Variants in MARK1 observed in about 807,000 individuals in gnomAD.
MARK1 encodes the protein serine/threonine-protein kinase MARK1.
Under a neutral mutation model 96.3 loss-of-function variants are expected in MARK1, and 40 were observed. The ratio of observed to expected loss-of-function variants is 0.42; its 90% CI spans 0.32 to 0.54. The LOEUF is 0.54. MARK1 is among the 20% of genes least tolerant of loss of function. The pLI, the probability that MARK1 is intolerant of heterozygous loss-of-function variation, is 0.16. For missense variants in MARK1, 719 were observed against 984.6 expected (o/e 0.73, Z 3.61); for synonymous variants, 317 against 341.2 (o/e 0.93, Z 0.78).
chr1:220,620,051 C>T (rs1249242363), intron 9 of MARK1, among the ~76,000 whole-genome samples: 44 of 152,122 alleles, frequency 2.9e-4, no homozygotes, highest in Admixed American at 2.9e-3. Context: ...GTAGAGGATA[C>T]AGCATGTTTT....
intron 3 of MARK1, among the ~76,000 whole-genome samples, chr1:220,595,345 A>G (rs1403493983): frequency 1.3e-5 from 2 of 152,180 alleles, no homozygotes; most frequent in Non-Finnish European, 2.9e-5. Context: ...TTGACAAGCA[A>G]TCAGTAGCAC....
chr1:220,590,660 A>G (rs1218557915), intron 3 of MARK1, among the ~76,000 whole-genome samples: 1 of 152,158 alleles, frequency 6.6e-6, no homozygotes, highest in Non-Finnish European at 1.5e-5. Flanking sequence ...TTGTGAGGAG[A>G]GATGCTTGAT....
chr1:220,627,291 C>T (rs1667401744), intron 9 of MARK1: 1 of 502,040 alleles, frequency 2.0e-6, no homozygotes. Flanking sequence ...GAGAGGGTGG[C>T]CACAAGAACT....
At chr1:220,658,845 C>T (rs944753901) in intron 17 of MARK1, among the ~76,000 whole-genome samples, 1 of 152,114 alleles carries the variant, frequency 6.6e-6, no homozygotes, top group Admixed American at 6.6e-5. Flanking sequence ...GAGTTAGGTA[C>T]CTGAGTCACC....
chr1:220,607,082 G>T (rs918984496), intron 6 of MARK1, among the ~76,000 whole-genome samples: 4 of 152,080 alleles, frequency 2.6e-5, no homozygotes, highest in African/African-American at 9.7e-5. Flanking sequence ...GCTTGATGGG[G>T]ATGGCATTGA....
At chr1:220,599,033 A>C (rs1210300256) in intron 4 of MARK1, among the ~76,000 whole-genome samples, 1 of 152,128 alleles carries the variant, frequency 6.6e-6, no homozygotes, top group African/African-American at 2.4e-5. Context: ...ATAAAAAAAA[A>C]ATGGCTTTCA....
chr1:220,627,166 G>A lies in MARK1; in HGVS notation c.910-3869G>A, dbSNP rs978317473. 1.2e-5 allele frequency: 6 copies of A among 489,488 alleles called. No individual in the cohort carries two copies. The East Asian group carries it at 2.2e-4, about 18-fold the overall frequency. 30.3% of individuals were successfully genotyped at this position (489,488 alleles called of 1,614,324 possible). ...AAATGCAGGTGATTCCAGAGGATCT[G>A]TCCCTGAGGAGAGTGGCGATGAGAG... On this transcript the variant is annotated intron_variant, in intron 9 of 17. Coordinates refer to ENST00000366917, the MANE Select transcript of MARK1 (RefSeq NM_018650.5).
At chr1:220,554,203 C>T (rs1056071470) in intron 1 of MARK1, among the ~76,000 whole-genome samples, 1 of 152,112 alleles carries the variant, frequency 6.6e-6, no homozygotes, top group Non-Finnish European at 1.5e-5. Flanking sequence ...TGTCTTATCA[C>T]GGTGTCTAAA....
intron 17 of MARK1, among the ~76,000 whole-genome samples, chr1:220,661,552 T>C (rs1669484889): frequency 1.3e-5 from 2 of 152,238 alleles, no homozygotes; most frequent in Admixed American, 1.3e-4. Context: ...AGTTGCAGAC[T>C]TGTTTCCCTC....
intron 1 of MARK1, among the ~76,000 whole-genome samples, chr1:220,546,028 C>T (rs965267876): frequency 2.6e-5 from 4 of 152,166 alleles, no homozygotes; most frequent in African/African-American, 9.6e-5. Context: ...CTTCACCCCC[C>T]ATCTTTGATG....
rs67564055 is a variant in MARK1, at chr1:220,616,013, AT to A, written c.552+25del. On this transcript the variant is annotated intron_variant, in intron 7 of 17. Transcript: ENST00000366917. ...ATCTTAAGGTAAGCTTCTGAGTGTA[AT>A]TTTTTTAAAAAAAAAATCGTTATTA... 0.24 allele frequency: 236,249 copies of A among 1,005,184 alleles called. 21,974 individuals carry two copies. The highest frequency in any genetic ancestry group is 0.37 in the East Asian group (13,681 of 36,628). 62.3% of individuals were successfully genotyped at this position (1,005,184 alleles called of 1,614,324 possible). A position where few individuals can be genotyped will look rare whatever the true frequency, so the allele number is the denominator to read the frequency against.
intron 1 of MARK1, among the ~76,000 whole-genome samples, chr1:220,534,152 CTT>C (rs1660520215): frequency 6.6e-6 from 1 of 151,402 alleles, no homozygotes; most frequent in Non-Finnish European, 1.5e-5. Flanking sequence ...TTTTTCACGT[CTT>C]ATTTTTTATT....
intron 1 of MARK1, among the ~76,000 whole-genome samples, chr1:220,561,988 A>C (rs1443324383): frequency 6.6e-6 from 1 of 152,216 alleles, no homozygotes; most frequent in Non-Finnish European, 1.5e-5. Context: ...CTTTTAAGAG[A>C]GAACATTTGG....
intron 1 of MARK1, among the ~76,000 whole-genome samples, chr1:220,567,391 TA>T (rs1663131409): frequency 6.6e-6 from 1 of 152,112 alleles, no homozygotes; most frequent in South Asian, 2.1e-4. Flanking sequence ...GAGTAAATAC[TA>T]AAGAAGCTTC....
At chr1:220,653,013 GCCATAGCTATTTGTTTCA>G in intron 15 of MARK1, 70 bp from the exon 16 acceptor site, 1 of 1,450,702 alleles carries the variant, frequency 6.9e-7, no homozygotes, top group Non-Finnish European at 9.6e-7. Context: ...AAAAGAAGTA[GCCATAGCTATTTGTTTCA>G]AGTTTTTAGC....
chr1:220,560,133 T>G (rs1358714146), intron 1 of MARK1, among the ~76,000 whole-genome samples: 7 of 152,064 alleles, frequency 4.6e-5, no homozygotes, highest in African/African-American at 1.7e-4. Flanking sequence ...TCAGATCTCA[T>G]GAGACTTATT....
chr1:220,658,948 CACTT>C (rs1669321208), intron 17 of MARK1, among the ~76,000 whole-genome samples: 2 of 152,190 alleles, frequency 1.3e-5, no homozygotes. Flanking sequence ...GCCTCTCCCT[CACTT>C]AGTCTTCACT....
intron 1 of MARK1, among the ~76,000 whole-genome samples, chr1:220,531,026 T>C (rs1681473122): frequency 6.6e-6 from 1 of 152,184 alleles, no homozygotes; most frequent in Admixed American, 6.5e-5. Flanking sequence ...ACAGAAGAGA[T>C]AATAATCCCA....
At chr1:220,653,682 GT>G (rs1275091640) in intron 16 of MARK1, among the ~76,000 whole-genome samples, 3 of 152,042 alleles carry the variant, frequency 2.0e-5, no homozygotes, top group Non-Finnish European at 4.4e-5. Flanking sequence ...GAGTTTACAT[GT>G]TTCCTTCAAA....
Sources: allele counts gnomAD v4.1 joint callset (sites outside exome capture counted in the v4.1 genomes callset), GRCh38; gene constraint gnomAD v4.1.1; transcripts MANE v1.5; gene names NCBI Gene and HGNC (gene_info 2026-07-23, HGNC 2026-07-21).